The following PDE3B variants were observed in gnomAD, a reference collection of about 807,000 sequenced individuals.
PDE3B encodes the protein phosphodiesterase 3B, also known as cGMP-inhibited 3',5'-cyclic phosphodiesterase 3B.
A neutral mutation model predicts 116.8 loss-of-function variants in PDE3B; 66 were observed. The observed-to-expected ratio is 0.56, with a 90% CI of 0.46 to 0.69. The LOEUF (loss-of-function observed/expected upper bound fraction) is 0.69. Ranked by LOEUF, PDE3B falls within the 30% of genes least tolerant of loss-of-function variation. The pLI, the probability that PDE3B is intolerant of heterozygous loss-of-function variation, is 0.00. For synonymous variants in PDE3B, 595 were observed against 533.6 expected (o/e 1.12, Z -1.59); for missense variants, 1,384 against 1,368.1 (o/e 1.01, Z -0.18).
intron 1 of PDE3B, among the ~76,000 whole-genome samples, chr11:14,675,528 A>G (rs1854508202): frequency 6.6e-6 from 1 of 152,130 alleles, no homozygotes. Context: ...TGTTCCATCC[A>G]GCTCCTCAGA....
rs909072924 is a variant in PDE3B at position 14,679,489 on chromosome 11, T to C, written c.978+34436T>C. On this transcript the variant is annotated intron_variant, in intron 1 of 15. Transcript: ENST00000282096. ...CTAGACGCCCTCCACCGGTAACATA[T>C]TTTGGCAAGCCAGCCAGGATGTAAA... 2.6e-5 allele frequency among the ~76,000 whole-genome samples: 4 copies of C among 152,258 alleles called. No homozygotes were observed. In the East Asian group the frequency reaches 7.7e-4, roughly 29 times the overall value.
intron 5 of PDE3B, among the ~76,000 whole-genome samples, chr11:14,812,213 A>T (rs1859161908): frequency 6.6e-6 from 1 of 152,148 alleles, no homozygotes; most frequent in Non-Finnish European, 1.5e-5. Context: ...GGATTTCTAA[A>T]ATTCAGTGAA....
At chr11:14,789,870 G>A in intron 4 of PDE3B, among the ~76,000 whole-genome samples, 1 of 151,922 alleles carries the variant, frequency 6.6e-6, no homozygotes, top group Non-Finnish European at 1.5e-5. Context: ...TGATAACAAA[G>A]GATTTAATAA....
In PDE3B at chr11:14,728,770, T is replaced by G. The variant is rs190468141; in HGVS notation, c.979-43167T>G. ...TAGAATTATGATATTTAAATTTTTA[T>G]TTACTCAGCTATCATAAACATAAAA... On this transcript the variant is annotated intron_variant, in intron 1 of 15. Coordinates refer to ENST00000282096, the MANE Select transcript of PDE3B (RefSeq NM_000922.4). Among the ~76,000 whole-genome samples the G allele has an allele frequency of 1.1e-3, 163 of 152,244 alleles. 1 individual carries two copies. Among genetic ancestry groups the G allele is most frequent in the Non-Finnish European group, 1.8e-3 (125 of 67,970 alleles).
At chr11:14,754,954 G>A (rs1367747618) in intron 1 of PDE3B, among the ~76,000 whole-genome samples, 1 of 152,064 alleles carries the variant, frequency 6.6e-6, no homozygotes, top group East Asian at 1.9e-4. Flanking sequence ...CCCATTATCT[G>A]TTGTACTTTT....
rs1176432693 is a variant in PDE3B, at chr11:14,804,392, GAA to G, written c.1522+348_1522+349del. ...TTTTTCATAGAATGATAATTGTGGA[GAA>G]AAAAATTTTAGGATTAGAATAGAAA... On this transcript the variant is annotated intron_variant, in intron 5 of 15. Coordinates refer to ENST00000282096, the MANE Select transcript of PDE3B (RefSeq NM_000922.4). Among the ~76,000 whole-genome samples the G allele has an allele frequency of 2.0e-5, 3 of 151,088 alleles. No individual in the cohort carries two copies. In the East Asian group the frequency reaches 5.8e-4, roughly 29 times the overall value.
At chr11:14,657,236 CTGTCTGT>C (rs1205051683) in intron 1 of PDE3B, among the ~76,000 whole-genome samples, 1 of 152,152 alleles carries the variant, frequency 6.6e-6, no homozygotes, top group Admixed American at 6.5e-5. Flanking sequence ...TCACAGTTCA[CTGTCTGT>C]TAAGCATGTT....
At chr11:14,884,464 T>C in the PDE3B span, among the ~76,000 whole-genome samples, 1 of 140,496 alleles carries the variant, frequency 7.1e-6, no homozygotes. Context: ...TTCTCACTCA[T>C]AGGTGGGAAC....
At chr11:14,663,584 G>C (rs1024057945) in intron 1 of PDE3B, among the ~76,000 whole-genome samples, 16 of 152,106 alleles carry the variant, frequency 1.1e-4, no homozygotes, top group Non-Finnish European at 1.6e-4. Context: ...GATCTACCAA[G>C]CCAATGGAAA....
intron 1 of PDE3B, among the ~76,000 whole-genome samples, chr11:14,686,022 A>G (rs1590061349): frequency 6.6e-6 from 1 of 152,132 alleles, no homozygotes; most frequent in East Asian, 1.9e-4. Context: ...ATTTTCACCA[A>G]TATCTACTTC....
intron 11 of PDE3B, among the ~76,000 whole-genome samples, chr11:14,839,445 A>G (rs1430165793): frequency 3.9e-5 from 6 of 152,264 alleles, no homozygotes; most frequent in Non-Finnish European, 7.3e-5. Flanking sequence ...ACTTAATTAT[A>G]TAGCTTTTAC....
At chr11:14,861,425 CTT>C (rs1425807725) in intron 14 of PDE3B, 59 bp downstream of exon 14, 11 of 1,494,826 alleles carry the variant, frequency 7.4e-6, no homozygotes, top group Admixed American at 6.9e-5. Flanking sequence ...AGACACTACT[CTT>C]TGGGTTTTGG....
At chr11:14,661,010 T>A (rs1183418561) in intron 1 of PDE3B, among the ~76,000 whole-genome samples, 1 of 152,120 alleles carries the variant, frequency 6.6e-6, no homozygotes, top group Non-Finnish European at 1.5e-5. Flanking sequence ...CATTAAAAAG[T>A]CAGGAAACAA....
chr11:14,709,300 C>A (rs937163285), intron 1 of PDE3B, among the ~76,000 whole-genome samples: 1 of 152,144 alleles, frequency 6.6e-6, no homozygotes, highest in East Asian at 1.9e-4. Context: ...TGCAGTCTTC[C>A]TGAGGATACT....
intron 1 of PDE3B, among the ~76,000 whole-genome samples, chr11:14,726,762 ATTGTT>A (rs2133849629): frequency 6.6e-6 from 1 of 152,258 alleles, no homozygotes; most frequent in East Asian, 1.9e-4. Flanking sequence ...AAAGATGAAG[ATTGTT>A]TTGTGGCTTT....
chr11:14,818,330 A>G lies in PDE3B; in HGVS notation c.1670A>G (p.Asn557Ser). Residue 557 changes from asparagine to serine, a missense_variant, in exon 6 of 16, where the codon AAT becomes AGT. Transcript: ENST00000282096. ...GTTATCTTGCAGAGATCTCTGGGCA[A>G]TGCACCTAATACTCCAGATTTTTAT... ...PSVILQRSLG[N>S]APNTPDFYQQ... The G allele has an allele frequency of 3.1e-6, 5 of 1,613,766 alleles. No homozygotes were observed. The highest frequency in any genetic ancestry group is 1.1e-5 in the South Asian group (1 of 91,078).
chr11:14,672,185 T>A (rs548809082), intron 1 of PDE3B, among the ~76,000 whole-genome samples: 2 of 151,716 alleles, frequency 1.3e-5, no homozygotes, highest in Admixed American at 6.6e-5. Context: ...CAATGTCTTA[T>A]CCCTTTTCTT....
At chr11:14,648,947 AT>A (rs1853489683) in intron 1 of PDE3B, among the ~76,000 whole-genome samples, 2 of 152,170 alleles carry the variant, frequency 1.3e-5, no homozygotes, top group African/African-American at 4.8e-5. Context: ...CAGTGCACTG[AT>A]ACTCAAATTT....
At chr11:14,875,956 T>C (rs1590208822), downstream of PDE3B, among the ~76,000 whole-genome samples, 2 of 152,346 alleles carry the variant, frequency 1.3e-5, no homozygotes, top group East Asian at 3.9e-4. Flanking sequence ...GAAAATAGCA[T>C]GATCTTCATT....
Sources: gnomAD v4.1 joint callset for allele counts (sites outside exome capture counted in the v4.1 genomes callset) on GRCh38, gnomAD v4.1.1 for gene constraint, MANE v1.5 for transcripts, NCBI Gene and HGNC (gene_info 2026-07-23, HGNC 2026-07-21) for gene names.